SULF1: variants seen among roughly 807,000 people sequenced by gnomAD.
The protein encoded by SULF1 is sulfatase 1, also known as extracellular sulfatase Sulf-1.
Under a neutral mutation model 110.5 loss-of-function variants are expected in SULF1, and 46 were observed. That is an observed-to-expected ratio of 0.42 (90% confidence interval 0.33 to 0.53). The LOEUF (loss-of-function observed/expected upper bound fraction) is 0.53. Ranked by LOEUF, SULF1 falls within the 20% of genes least tolerant of loss-of-function variation. SULF1 has a pLI of 0.12. For missense variants in SULF1, 941 were observed against 1,094.2 expected, an observed-to-expected ratio of 0.86 and a Z score of 1.98; for synonymous variants, 371 against 387.1, an observed-to-expected ratio of 0.96 and a Z score of 0.49.
At chr8:69,588,033 C>T (rs1806596311) in intron 7 of SULF1, among the ~76,000 whole-genome samples, 1 of 152,220 alleles carries the variant, frequency 6.6e-6, no homozygotes, top group African/African-American at 2.4e-5. Flanking sequence ...AAATCCACAA[C>T]ATGTGATTAG....
rs566462822 is a variant in SULF1 at position 69,579,436 on chromosome 8, CT to C, written c.412+3228del. On this transcript the variant is annotated intron_variant, in intron 6 of 22. Transcript: ENST00000402687. ...TGTTGGTGCATGCTTGTAATCCCAGCTACTCAGGAGGCTGAGGCAGGAGAAT... is the reference window on the plus strand; with the variant it reads ...TGTTGGTGCATGCTTGTAATCCCAGCACTCAGGAGGCTGAGGCAGGAGAAT... Among the ~76,000 whole-genome samples the C allele has an allele frequency of 3.0e-3, 450 of 151,710 alleles. 1 individual carries two copies. The highest frequency in any genetic ancestry group is 0.011 in the African/African-American group (434 of 41,326).
intron 5 of SULF1, among the ~76,000 whole-genome samples, chr8:69,569,753 G>T (rs1197709897): frequency 1.3e-5 from 2 of 152,096 alleles, no homozygotes; most frequent in Non-Finnish European, 2.9e-5. Flanking sequence ...TGCTCTTTTG[G>T]AGGGGCCAGG....
chr8:69,647,753 G>A (rs146704752), intron 22 of SULF1, among the ~76,000 whole-genome samples: 2,469 of 151,932 alleles, frequency 0.016, 61 homozygotes, highest in African/African-American at 0.055. Flanking sequence ...TTACCCGGAC[G>A]TGGTGGTGCA....
At chr8:69,636,485 C>T (rs186211641) in intron 19 of SULF1, among the ~76,000 whole-genome samples, 19 of 151,566 alleles carry the variant, frequency 1.3e-4, no homozygotes, top group African/African-American at 4.4e-4. Context: ...TGCAGTGAGC[C>T]GAGATCGCTC....
At chr8:69,596,602 C>G (rs758010476) in intron 8 of SULF1, among the ~76,000 whole-genome samples, 24 of 152,096 alleles carry the variant, frequency 1.6e-4, no homozygotes, top group Non-Finnish European at 2.9e-4. Flanking sequence ...ATCAATTTTC[C>G]TTTTAATGAG....
chr8:69,647,375 T>C (rs1337006713), intron 22 of SULF1, among the ~76,000 whole-genome samples: 1 of 152,214 alleles, frequency 6.6e-6, no homozygotes, highest in Non-Finnish European at 1.5e-5. Flanking sequence ...AATCAGCCAT[T>C]AACCACACAC....
intron 6 of SULF1, among the ~76,000 whole-genome samples, chr8:69,580,424 C>T (rs1372114007): frequency 6.6e-6 from 1 of 152,020 alleles, no homozygotes; most frequent in Non-Finnish European, 1.5e-5. Flanking sequence ...AAGTATTTAA[C>T]AACAACAAAA....
chr8:69,638,444 C>T, intron 19 of SULF1, 58 bp from the exon 20 acceptor site: 2 of 1,573,326 alleles, frequency 1.3e-6, no homozygotes, highest in South Asian at 2.4e-5. Context: ...GAATGGCAAG[C>T]CTGCCTAAGG....
intron 5 of SULF1, among the ~76,000 whole-genome samples, chr8:69,573,255 T>C (rs1317883373): frequency 6.6e-6 from 1 of 152,112 alleles, no homozygotes; most frequent in Non-Finnish European, 1.5e-5. Flanking sequence ...GAGGGATTGC[T>C]TGGGAGCCCT....
rs372785510 is a variant in SULF1, at chr8:69,599,142, C to T, written c.735-1461C>T. On this transcript the variant is annotated intron_variant, in intron 8 of 22. Coordinates refer to ENST00000402687, the MANE Select transcript of SULF1 (RefSeq NM_001128205.2). ...ACCACCACAGATCCAGTGGAGGACTCGGTCAAGACTCCTGAAATCAAAGAA... is the reference window on the plus strand; with the variant it reads ...ACCACCACAGATCCAGTGGAGGACTTGGTCAAGACTCCTGAAATCAAAGAA... 4.9e-4 allele frequency among the ~76,000 whole-genome samples: 75 copies of T among 152,320 alleles called. No homozygotes were observed. In the East Asian group the frequency reaches 8.7e-3, roughly 18 times the overall value.
chr8:69,597,541 C>T (rs1284599420), intron 8 of SULF1: 1 of 152,184 alleles, frequency 6.6e-6, no homozygotes, highest in Non-Finnish European at 1.5e-5. Context: ...CCAGATTTAA[C>T]GTATGTCATT....
intron 6 of SULF1, among the ~76,000 whole-genome samples, chr8:69,583,575 A>G (rs1806239689): frequency 6.6e-6 from 1 of 152,138 alleles, no homozygotes; most frequent in African/African-American, 2.4e-5. Context: ...CTCCATCTCA[A>G]AAAAATAAAA....
rs1812975517 is a variant in SULF1, at chr8:69,659,516, A to C, written c.*981A>C. ...ATAATTTACTATCTGCCAAGAGTAG[A>C]AAGAAAGGCTGGGGATATTTGGGTT... On this transcript the variant is annotated 3_prime_UTR_variant, in exon 23 of 23. Coordinates refer to ENST00000402687, the MANE Select transcript of SULF1 (RefSeq NM_001128205.2). The C allele has an allele frequency of 7.9e-6, 2 of 252,950 alleles. No individual in the cohort carries two copies. The highest frequency in any genetic ancestry group is 1.6e-5 in the Non-Finnish European group (2 of 128,372). The allele number at this position is 252,950 out of a possible 1,614,324, so 15.7% of individuals were successfully genotyped here. A position where few individuals can be genotyped will look rare whatever the true frequency, so the allele number is the denominator to read the frequency against.
chr8:69,530,383 A>G (rs151219270), intron 3 of SULF1, among the ~76,000 whole-genome samples: 1 of 152,308 alleles, frequency 6.6e-6, no homozygotes, highest in African/African-American at 2.4e-5. Flanking sequence ...CTTAGGCATA[A>G]TGTACCATTA....
At chr8:69,658,443 T>C in intron 22 of SULF1, 62 bp from the exon 23 acceptor site, 57 of 1,223,546 alleles carry the variant, frequency 4.7e-5, no homozygotes, top group Middle Eastern at 2.9e-4. Context: ...GTAAGTTGCT[T>C]GTCCAGGTAA....
rs112040809 is a variant in SULF1, at chr8:69,613,067, A to G, written c.1378-7968A>G. 6.8e-3 allele frequency among the ~76,000 whole-genome samples: 1,033 copies of G among 152,254 alleles called. 13 individuals are homozygous for G. The highest frequency in any genetic ancestry group is 0.024 in the African/African-American group (977 of 41,560). Reference sequence around the variant, plus strand: ...GATAGGAATCCAGTTTCATTCTTCTACATGTGGCTTGCCAGTTTTCCCAGC... The same window carrying G: ...GATAGGAATCCAGTTTCATTCTTCTGCATGTGGCTTGCCAGTTTTCCCAGC... On this transcript the variant is annotated intron_variant, in intron 13 of 22. Coordinates refer to ENST00000402687, the MANE Select transcript of SULF1 (RefSeq NM_001128205.2).
At position 69,523,643 on chromosome 8, in the gene SULF1, C is replaced by A. The variant is rs191280955; in HGVS notation, c.-134+21675C>A. 2.4e-3 allele frequency among the ~76,000 whole-genome samples: 370 copies of A among 151,956 alleles called. 2 individuals carry two copies. The highest frequency in any genetic ancestry group is 3.4e-3 in the Middle Eastern group (1 of 294). On this transcript the variant is annotated intron_variant, in intron 3 of 22. Transcript: ENST00000402687. Reference sequence around the variant, plus strand: ...GGGGGAAGGAGGTTGAGAATGTTTACAAAGGACTGATGATAATGACTGTCG... The same window carrying A: ...GGGGGAAGGAGGTTGAGAATGTTTAAAAAGGACTGATGATAATGACTGTCG...
chr8:69,569,224 C>T (rs1805040425), intron 5 of SULF1, among the ~76,000 whole-genome samples: 1 of 152,128 alleles, frequency 6.6e-6, no homozygotes, highest in Non-Finnish European at 1.5e-5. Context: ...GCTATGAGTA[C>T]ATGGAGATAT....
intron 15 of SULF1, chr8:69,625,972 G>A (rs1445649252): frequency 6.6e-6 from 1 of 152,264 alleles, no homozygotes; most frequent in Non-Finnish European, 1.5e-5. Context: ...TAGTTACAGA[G>A]TTTTGACACA....
Sources: gnomAD v4.1 joint callset for allele counts (sites outside exome capture counted in the v4.1 genomes callset) on GRCh38, gnomAD v4.1.1 for gene constraint, MANE v1.5 for transcripts, NCBI Gene and HGNC (gene_info 2026-07-23, HGNC 2026-07-21) for gene names.